Variants in ZNF595 observed in about 807,000 individuals in gnomAD.
ZNF595 encodes the protein zinc finger protein 595.
In ZNF595, 9 loss-of-function variants were observed where a neutral mutation model predicts 19.4. That is an observed-to-expected ratio of 0.46 (90% CI 0.28 to 0.81). The LOEUF is 0.81. Among genes scored for constraint, ZNF595 ranks in the 30% least tolerant of loss-of-function variants. The pLI is 0.11. For synonymous variants in ZNF595, 255 were observed against 255.9 expected, an observed-to-expected ratio of 1.00 and a Z score of 0.03; for missense variants, 729 against 736.0, an observed-to-expected ratio of 0.99 and a Z score of 0.11.
chr4:75,886 C>G (rs1464631843), intron 3 of ZNF595, among the ~76,000 whole-genome samples: 1 of 149,928 alleles, frequency 6.7e-6, no homozygotes, highest in East Asian at 2.0e-4. Flanking sequence ...TTTAAGATAA[C>G]AATTTAACTT....
chr4:84,946 T>A (rs1189395030), intron 3 of ZNF595, among the ~76,000 whole-genome samples: 1 of 152,210 alleles, frequency 6.6e-6, no homozygotes, highest in African/African-American at 2.4e-5. Context: ...AATTGGGCCA[T>A]GTTGCCCTAA....
chr4:85,504 T>C (rs1553800897), intron 3 of ZNF595, among the ~76,000 whole-genome samples: 1 of 152,228 alleles, frequency 6.6e-6, no homozygotes, highest in Non-Finnish European at 1.5e-5. Context: ...GTTCTTAGTA[T>C]TGTACTTACC....
Position 88,057 on chromosome 4 carries a change from T to A in ZNF595, c.*606T>A, listed in dbSNP as rs1714314721. The A allele has an allele frequency of 6.6e-6, 1 of 152,122 alleles. No homozygotes were observed. The highest frequency in any genetic ancestry group is 1.5e-5 in the Non-Finnish European group (1 of 68,034). 9.4% of individuals were successfully genotyped at this position (152,122 alleles called of 1,614,324 possible). ...TTTAAATGTGCAATTATTTTTTTAC[T>A]ACAGGTTATTTTATGATTATAATAA... On this transcript the variant is annotated 3_prime_UTR_variant, in exon 4 of 4. Transcript: ENST00000610261.
At chr4:76,000 C>T (rs191221448) in intron 3 of ZNF595, among the ~76,000 whole-genome samples, 287 of 152,230 alleles carry the variant, frequency 1.9e-3, no homozygotes, top group African/African-American at 6.4e-3. Context: ...AAGCAATTCT[C>T]CAGTCGCAGC....
chr4:72,929 G>T (rs960324837), intron 3 of ZNF595, among the ~76,000 whole-genome samples: 2 of 152,178 alleles, frequency 1.3e-5, no homozygotes, highest in African/African-American at 4.8e-5. Flanking sequence ...TCCTGCAGGT[G>T]TACCAGCCTG....
rs538089887 is a variant in ZNF595, at chr4:86,413, G to A, written c.909G>A (p.Lys303=). Residue 303 remains lysine, a synonymous_variant, in exon 4 of 4, where the codon AAG becomes AAA. Transcript: ENST00000610261. ...FRWSTSLNEH[K]NIHTGEKPYK... ...GGTCCACAAGCCTGAATGAACATAA[G>A]AATATTCATACTGGAGAGAAACCCT... 5 of 1,613,160 alleles carry A rather than the reference G, an allele frequency of 3.1e-6. No homozygotes were observed. Among genetic ancestry groups the A allele is most frequent in the African/African-American group, 2.7e-5 (2 of 74,932 alleles).
At chr4:78,165 C>T (rs1031439739) in intron 3 of ZNF595, among the ~76,000 whole-genome samples, 5 of 152,100 alleles carry the variant, frequency 3.3e-5, no homozygotes, top group Admixed American at 2.0e-4. Context: ...TCCGCGGCCA[C>T]GTCCGGCTAA....
Position 86,747 on chromosome 4 carries a change from AAG to A in ZNF595, c.1247_1248del (p.Arg416AsnfsTer18). On this transcript the variant is annotated frameshift_variant, in exon 4 of 4. Transcript: ENST00000610261. LOFTEE classifies it high-confidence loss of function. ...TAGGTCCTCACACCTTGCTAAACAT[AAG>A]AGAATTCATACTGGAGAGAAACCCT... ...FYRSSHLAKH[K>X]RIHTGEKPYT... is the part of the protein sequence containing the mutation. 6.2e-7 allele frequency: 1 copy of A among 1,613,912 alleles called. No homozygotes were observed. The highest frequency in any genetic ancestry group is 1.1e-5 in the South Asian group (1 of 91,058).
intron 3 of ZNF595, among the ~76,000 whole-genome samples, chr4:84,211 A>C (rs1714041612): frequency 1.3e-5 from 2 of 152,116 alleles, no homozygotes; most frequent in South Asian, 4.1e-4. Context: ...GCTCTTTAAA[A>C]TTTTAGAGAA....
At chr4:73,671 A>T (rs10034988) in intron 3 of ZNF595, among the ~76,000 whole-genome samples, 1 of 152,292 alleles carries the variant, frequency 6.6e-6, no homozygotes, top group Admixed American at 6.5e-5. Context: ...CTTTTGTCCT[A>T]TATATTTTTT....
chr4:73,047 T>C (rs10027065), intron 3 of ZNF595, among the ~76,000 whole-genome samples: 14,794 of 152,140 alleles, frequency 0.097, 784 homozygotes, highest in South Asian at 0.17. Context: ...AGGTTGTTTG[T>C]GATGTCCTCT....
chr4:69,310 G>A (rs571517878), intron 3 of ZNF595, among the ~76,000 whole-genome samples: 1 of 152,228 alleles, frequency 6.6e-6, no homozygotes, highest in Non-Finnish European at 1.5e-5. Flanking sequence ...ATTTTTTGAG[G>A]AACCTCTAAG....
chr4:81,262 G>A (rs1265514029), intron 3 of ZNF595, among the ~76,000 whole-genome samples: 1 of 152,162 alleles, frequency 6.6e-6, no homozygotes, highest in Non-Finnish European at 1.5e-5. Flanking sequence ...TAAGTATGGG[G>A]CACAAATCAA....
At chr4:66,333 GTTT>G (rs35910366) in intron 3 of ZNF595, among the ~76,000 whole-genome samples, 4 of 141,922 alleles carry the variant, frequency 2.8e-5, no homozygotes, top group Non-Finnish European at 4.6e-5. Flanking sequence ...GTAACTTTTT[GTTT>G]TTTTTTTTGG....
chr4:81,596 A>T (rs1713911315), intron 3 of ZNF595, among the ~76,000 whole-genome samples: 3 of 152,206 alleles, frequency 2.0e-5, no homozygotes, highest in African/African-American at 7.2e-5. Flanking sequence ...TATTCAGCTT[A>T]GTCATATTAA....
At chr4:74,975 AT>A (rs1400427992) in intron 3 of ZNF595, among the ~76,000 whole-genome samples, 1 of 152,002 alleles carries the variant, frequency 6.6e-6, no homozygotes, top group African/African-American at 2.4e-5. Flanking sequence ...TTGTTATATT[AT>A]TTTGACAAAT....
Position 86,555 on chromosome 4 carries a change from C to A in ZNF595, c.1051C>A (p.Gln351Lys). ...TCEKCGKAFN[Q>K]SSSLIIHRSI... ...TGAAAAATGTGGCAAAGCTTTTAACCAATCCTCAAGTCTTATTATACACAG... is the reference window on the plus strand; with the variant it reads ...TGAAAAATGTGGCAAAGCTTTTAACAAATCCTCAAGTCTTATTATACACAG... Residue 351 changes from glutamine to lysine, a missense_variant, in exon 4 of 4, where the codon CAA becomes AAA. This residue lies in a region of ZNF595 where 729 missense variants were observed against 675.3 expected (regional missense o/e 1.08). Coordinates refer to ENST00000610261, the MANE Select transcript of ZNF595 (RefSeq NM_182524.4). 1 of 1,613,204 alleles carries A rather than the reference C, an allele frequency of 6.2e-7. No homozygotes were observed. Among genetic ancestry groups the A allele is most frequent in the Non-Finnish European group, 8.5e-7 (1 of 1,179,750 alleles).
At chr4:80,299 G>A (rs186174798) in intron 3 of ZNF595, among the ~76,000 whole-genome samples, 31 of 152,298 alleles carry the variant, frequency 2.0e-4, no homozygotes, top group African/African-American at 6.5e-4. Context: ...GATTATAGGC[G>A]TGCGCCACCG....
At chr4:73,321 C>T (rs910891442) in intron 3 of ZNF595, among the ~76,000 whole-genome samples, 3 of 152,148 alleles carry the variant, frequency 2.0e-5, no homozygotes, top group Admixed American at 6.5e-5. Context: ...TTCACCCTGA[C>T]GTCAACCTGT....
Sources: gnomAD v4.1 joint callset for allele counts (sites outside exome capture counted in the v4.1 genomes callset) on GRCh38, gnomAD v4.1.1 for gene constraint, gnomAD v4.1.1 regional missense constraint, MANE v1.5 for transcripts, NCBI Gene and HGNC (gene_info 2026-07-23, HGNC 2026-07-21) for gene names.